The following ZFAND3 variants were observed in gnomAD, a reference collection of about 807,000 sequenced individuals.
ZFAND3 encodes the protein AN1-type zinc finger protein 3.
Under a neutral mutation model 29.6 loss-of-function variants are expected in ZFAND3, and 10 were observed. That is an observed-to-expected ratio of 0.34 (90% CI 0.21 to 0.57). The LOEUF is 0.57. ZFAND3 is among the 20% of genes least tolerant of loss of function. The pLI, the probability that ZFAND3 is intolerant of heterozygous loss-of-function variation, is 0.86. For synonymous variants in ZFAND3, 128 were observed against 112.6 expected (o/e 1.14, Z -0.87); for missense variants, 230 against 304.5 (o/e 0.76, Z 1.82).
At chr6:38,134,178 C>T (rs1371036189) in intron 5 of ZFAND3, among the ~76,000 whole-genome samples, 3 of 152,158 alleles carry the variant, frequency 2.0e-5, no homozygotes, top group African/African-American at 7.2e-5. Flanking sequence ...ACCTTTTGGT[C>T]TCCCGCTGTA....
chr6:38,027,490 C>T (rs1224676718), intron 2 of ZFAND3, among the ~76,000 whole-genome samples: 1 of 152,088 alleles, frequency 6.6e-6, no homozygotes, highest in Admixed American at 6.5e-5. Context: ...TATAATAGAG[C>T]ATTTGTAATA....
At chr6:38,024,834 G>T (rs1016461977) in intron 2 of ZFAND3, among the ~76,000 whole-genome samples, 1 of 152,208 alleles carries the variant, frequency 6.6e-6, no homozygotes, top group Non-Finnish European at 1.5e-5. Flanking sequence ...TGCTTAATGA[G>T]TATGGGGATT....
chr6:38,138,915 G>A (rs1466818069), intron 5 of ZFAND3, among the ~76,000 whole-genome samples: 1 of 152,150 alleles, frequency 6.6e-6, no homozygotes, highest in Non-Finnish European at 1.5e-5. Flanking sequence ...TGGATTTGAG[G>A]GGAATTCATA....
Position 38,109,203 on chromosome 6 carries a change from G to A in ZFAND3, c.362-7369G>A, listed in dbSNP as rs1043119342. Among the ~76,000 whole-genome samples, 34 of 134,764 alleles carry A rather than the reference G, an allele frequency of 2.5e-4. 1 individual carries two copies. Among genetic ancestry groups the A allele is most frequent in the African/African-American group, 6.5e-4 (23 of 35,548 alleles). 88.4% of individuals were successfully genotyped at this position (134,764 alleles called of 152,430 possible). On this transcript the variant is annotated intron_variant, in intron 4 of 5. Coordinates refer to ENST00000287218, the MANE Select transcript of ZFAND3 (RefSeq NM_021943.3). ...CTTTTTTTTTTTTTTTTTTTCTTGA[G>A]ACAGAGTCTTGCTCTGTCGCCGAGG...
At chr6:37,947,699 A>G (rs1042297723) in intron 2 of ZFAND3, among the ~76,000 whole-genome samples, 5 of 150,674 alleles carry the variant, frequency 3.3e-5, no homozygotes, top group African/African-American at 9.7e-5. Context: ...TAATATACAT[A>G]TATTGCTGAC....
intron 1 of ZFAND3, among the ~76,000 whole-genome samples, chr6:37,843,152 A>C (rs1326293108): frequency 6.7e-6 from 1 of 150,316 alleles, no homozygotes; most frequent in African/African-American, 2.4e-5. Flanking sequence ...TTAATTTCTT[A>C]AGCCCACTGT....
intron 4 of ZFAND3, among the ~76,000 whole-genome samples, chr6:38,101,341 C>T (rs1765088575): frequency 6.6e-6 from 1 of 152,036 alleles, no homozygotes; most frequent in African/African-American, 2.4e-5. Context: ...CTGACACAAC[C>T]CTGTATAAGG....
chr6:37,989,120 C>T (rs761593613), intron 2 of ZFAND3, among the ~76,000 whole-genome samples: 9 of 152,060 alleles, frequency 5.9e-5, no homozygotes, highest in East Asian at 1.9e-4. Flanking sequence ...ATTGGCCAGG[C>T]GGGCCTCAAA....
intron 2 of ZFAND3, among the ~76,000 whole-genome samples, chr6:37,992,580 T>G (rs1349884976): frequency 1.3e-5 from 2 of 152,150 alleles, no homozygotes; most frequent in Non-Finnish European, 2.9e-5. Context: ...CTTAAATTCT[T>G]CAGCTTATTC....
At chr6:38,152,119 G>C (rs881681) in intron 5 of ZFAND3, 116 bp from the exon 6 acceptor site, 599,351 of 972,982 alleles carry the variant, frequency 0.62, 188,994 homozygotes, top group African/African-American at 0.75. Context: ...CCTGCAGTGA[G>C]TGTTGTCCAC....
At chr6:38,128,515 C>T (rs1562009938) in intron 5 of ZFAND3, among the ~76,000 whole-genome samples, 1 of 152,166 alleles carries the variant, frequency 6.6e-6, no homozygotes, top group Non-Finnish European at 1.5e-5. Flanking sequence ...TCTCCAAAGT[C>T]GTTGTGTCAT....
chr6:37,912,071 T>TGTGTGTGA (rs1260628226), intron 1 of ZFAND3, among the ~76,000 whole-genome samples: 62 of 142,448 alleles, frequency 4.4e-4, no homozygotes, highest in African/African-American at 1.5e-3. Flanking sequence ...TGTGTGTGTG[T>TGTGTGTGA]GATGGTGTAG....
intron 2 of ZFAND3, among the ~76,000 whole-genome samples, chr6:38,056,674 A>G (rs919949209): frequency 3.3e-5 from 5 of 152,242 alleles, no homozygotes; most frequent in Admixed American, 6.5e-5. Flanking sequence ...GTGAAAAATC[A>G]TTCTGAAAAC....
chr6:37,848,663 A>G (rs1259546427), intron 1 of ZFAND3, among the ~76,000 whole-genome samples: 2 of 152,252 alleles, frequency 1.3e-5, no homozygotes, highest in African/African-American at 4.8e-5. Context: ...TAAACTAGCC[A>G]TGAAACTTAC....
intron 1 of ZFAND3, among the ~76,000 whole-genome samples, chr6:37,834,753 TATA>T (rs983201242): frequency 2.8e-4 from 41 of 146,262 alleles, no homozygotes; most frequent in African/African-American, 7.2e-4. Flanking sequence ...ATTATGCATA[TATA>T]ATGATATATG....
At chr6:37,956,718 T>C (rs1473952747) in intron 2 of ZFAND3, among the ~76,000 whole-genome samples, 1 of 152,246 alleles carries the variant, frequency 6.6e-6, no homozygotes, top group East Asian at 1.9e-4. Context: ...CAAGTGCTCA[T>C]AGTTTTGCAT....
intron 2 of ZFAND3, among the ~76,000 whole-genome samples, chr6:37,985,460 T>TAC (rs910114825): frequency 6.6e-6 from 1 of 150,614 alleles, no homozygotes; most frequent in Non-Finnish European, 1.5e-5. Context: ...AAACCCTGTC[T>TAC]ACACACACAC....
At chr6:37,937,153 G>C (rs1761712665) in intron 2 of ZFAND3, among the ~76,000 whole-genome samples, 1 of 152,196 alleles carries the variant, frequency 6.6e-6, no homozygotes, top group South Asian at 2.1e-4. Flanking sequence ...AAGAGTTGTA[G>C]GTTACAGCTG....
At chr6:38,072,156 C>CTCTCTG (rs1422572566) in intron 3 of ZFAND3, among the ~76,000 whole-genome samples, 1 of 143,516 alleles carries the variant, frequency 7.0e-6, no homozygotes, top group South Asian at 2.2e-4. Flanking sequence ...CTCTCTCTCT[C>CTCTCTG]TCTCTGTCTC....
Sources: gnomAD v4.1 joint callset for allele counts (sites outside exome capture counted in the v4.1 genomes callset) on GRCh38, gnomAD v4.1.1 for gene constraint, MANE v1.5 for transcripts, NCBI Gene and HGNC (gene_info 2026-07-23, HGNC 2026-07-21) for gene names.